The following SGCD variants were observed in gnomAD, a reference collection of about 807,000 sequenced individuals.
The protein encoded by SGCD is delta-sarcoglycan.
A neutral mutation model predicts 36.6 loss-of-function variants in SGCD; 18 were observed. The ratio of observed to expected loss-of-function variants is 0.49; its 90% confidence interval spans 0.34 to 0.73. The LOEUF is 0.73. Ranked by LOEUF, SGCD falls within the 30% of genes least tolerant of loss-of-function variation. SGCD has a pLI of 0.01. For missense variants in SGCD, 387 were observed against 346.7 expected (o/e 1.12, Z -0.92); for synonymous variants, 133 against 130.6 (o/e 1.02, Z -0.12).
intron 1 of SGCD, among the ~76,000 whole-genome samples, chr5:156,088,183 T>C (rs962763337): frequency 6.6e-6 from 1 of 152,140 alleles, no homozygotes; most frequent in Non-Finnish European, 1.5e-5. Context: ...CATATAAAGC[T>C]TTCCTAGATT....
the SGCD span, among the ~76,000 whole-genome samples, chr5:155,854,469 A>G: frequency 1.1e-4 from 16 of 152,286 alleles, no homozygotes; most frequent in African/African-American, 3.6e-4. Flanking sequence ...TCGTGGATGT[A>G]AAAATAAATT....
chr5:156,575,934 T>TC (rs1394952279), intron 4 of SGCD, among the ~76,000 whole-genome samples: 5 of 152,148 alleles, frequency 3.3e-5, no homozygotes, highest in African/African-American at 1.2e-4. Flanking sequence ...GAGCTCAAAT[T>TC]TTTTTAATAC....
At chr5:156,479,073 A>G (rs1755316626) in intron 3 of SGCD, among the ~76,000 whole-genome samples, 1 of 152,136 alleles carries the variant, frequency 6.6e-6, no homozygotes. Context: ...AGATTAAAAA[A>G]TATAATTCAA....
intron 3 of SGCD, among the ~76,000 whole-genome samples, chr5:156,303,329 G>A (rs182060638): frequency 1.3e-5 from 2 of 152,188 alleles, no homozygotes; most frequent in East Asian, 2.0e-4. Context: ...TCTTTAGTTA[G>A]CTTGTGGCAA....
intron 1 of SGCD, among the ~76,000 whole-genome samples, chr5:155,965,408 G>C (rs1394708704): frequency 6.6e-6 from 1 of 152,008 alleles, no homozygotes; most frequent in Non-Finnish European, 1.5e-5. Context: ...GTCAATCATT[G>C]TTCAGGTCCT....
At chr5:156,345,685 C>CA (rs1768903899) in intron 3 of SGCD, among the ~76,000 whole-genome samples, 1 of 151,880 alleles carries the variant, frequency 6.6e-6, no homozygotes, top group Non-Finnish European at 1.5e-5. Context: ...AAACAAAAAC[C>CA]AAAAAACAAA....
chr5:156,139,466 T>C (rs567847756), intron 3 of SGCD, among the ~76,000 whole-genome samples: 1 of 152,250 alleles, frequency 6.6e-6, no homozygotes, highest in African/African-American at 2.4e-5. Context: ...TCTCTGCTTC[T>C]CTTACCTCCA....
At chr5:156,429,421 T>C (rs1773830572) in intron 3 of SGCD, among the ~76,000 whole-genome samples, 1 of 152,048 alleles carries the variant, frequency 6.6e-6, no homozygotes, top group Non-Finnish European at 1.5e-5. Flanking sequence ...TAAGTGAGTA[T>C]CTTGAAGACA....
the SGCD span, among the ~76,000 whole-genome samples, chr5:155,848,079 G>A: frequency 1.3e-5 from 2 of 152,158 alleles, no homozygotes; most frequent in Non-Finnish European, 1.5e-5. Context: ...ATGGATGAGT[G>A]GAATTAAGCT....
At chr5:156,747,124 G>A (rs947638785) in intron 7 of SGCD, among the ~76,000 whole-genome samples, 8 of 151,984 alleles carry the variant, frequency 5.3e-5, no homozygotes, top group Admixed American at 2.6e-4. Flanking sequence ...AACAACATTA[G>A]TCATCAAAAA....
At chr5:156,679,549 G>T (rs1753645404) in intron 7 of SGCD, among the ~76,000 whole-genome samples, 1 of 151,970 alleles carries the variant, frequency 6.6e-6, no homozygotes, top group South Asian at 2.1e-4. Context: ...TTGCTCTAGG[G>T]GCCATTTCAT....
At chr5:156,069,582 G>T (rs1293813260) in intron 1 of SGCD, among the ~76,000 whole-genome samples, 2 of 151,970 alleles carry the variant, frequency 1.3e-5, no homozygotes, top group Non-Finnish European at 2.9e-5. Context: ...TGTTCTTTTG[G>T]CTTAGGATTG....
At chr5:155,958,843 A>G (rs1011484667) in intron 1 of SGCD, among the ~76,000 whole-genome samples, 1 of 152,132 alleles carries the variant, frequency 6.6e-6, no homozygotes, top group Non-Finnish European at 1.5e-5. Flanking sequence ...TAGAAGGCAC[A>G]TAGTAAGTGT....
chr5:155,766,387 G>C, the SGCD span, among the ~76,000 whole-genome samples: 1 of 152,106 alleles, frequency 6.6e-6, no homozygotes, highest in Admixed American at 6.5e-5. Context: ...CTGTAGCTGG[G>C]GGTGTGTTGG....
intron 6 of SGCD, 85 bp downstream of exon 6, chr5:156,595,136 T>A (rs988061492): frequency 1.4e-6 from 2 of 1,440,912 alleles, no homozygotes; most frequent in East Asian, 2.5e-5. Flanking sequence ...GAACAGGATA[T>A]GTCCTCCCAA....
At chr5:155,960,769 A>C (rs937156234) in intron 1 of SGCD, among the ~76,000 whole-genome samples, 10 of 152,130 alleles carry the variant, frequency 6.6e-5, no homozygotes, top group African/African-American at 2.4e-4. Context: ...ATGAGTTCAC[A>C]CAAGAAATTC....
At chr5:156,483,312 G>A (rs1179341516) in intron 3 of SGCD, among the ~76,000 whole-genome samples, 1 of 152,146 alleles carries the variant, frequency 6.6e-6, no homozygotes, top group East Asian at 1.9e-4. Flanking sequence ...TTGCTTAGGT[G>A]CATGTTCAAT....
intron 2 of SGCD, among the ~76,000 whole-genome samples, chr5:156,332,294 A>G (rs1768107127): frequency 6.6e-6 from 1 of 152,188 alleles, no homozygotes; most frequent in Non-Finnish European, 1.5e-5. Context: ...TAATTGACTT[A>G]TGAAATATTT....
chr5:155,834,405 C>A, the SGCD span, among the ~76,000 whole-genome samples: 2 of 152,056 alleles, frequency 1.3e-5, no homozygotes, highest in African/African-American at 2.4e-5. Context: ...ATGTTCATAA[C>A]AATTGAAAGG....
Sources: gnomAD v4.1 joint callset for allele counts (sites outside exome capture counted in the v4.1 genomes callset) on GRCh38, gnomAD v4.1.1 for gene constraint, MANE v1.5 for transcripts, NCBI Gene and HGNC (gene_info 2026-07-23, HGNC 2026-07-21) for gene names.